Variants in POU6F2 observed in about 807,000 individuals in gnomAD.
The protein encoded by POU6F2 is POU domain, class 6, transcription factor 2.
A neutral mutation model predicts 71.3 loss-of-function variants in POU6F2; 31 were observed. That is an observed-to-expected ratio of 0.43 (90% CI 0.33 to 0.59). The LOEUF (loss-of-function observed/expected upper bound fraction) is 0.59. Among genes scored for constraint, POU6F2 ranks in the 20% least tolerant of loss-of-function variants. POU6F2 has a pLI of 0.04. For synonymous variants in POU6F2, 347 were observed against 355.7 expected, an observed-to-expected ratio of 0.98 and a Z score of 0.27; for missense variants, 783 against 856.8, an observed-to-expected ratio of 0.91 and a Z score of 1.07.
chr7:39,089,747 T>G (rs1447176810), intron 2 of POU6F2, among the ~76,000 whole-genome samples: 1 of 152,216 alleles, frequency 6.6e-6, no homozygotes, highest in East Asian at 1.9e-4. Flanking sequence ...ATATGTGTGC[T>G]AAAGTTTTCC....
intron 2 of POU6F2, among the ~76,000 whole-genome samples, chr7:39,171,133 C>A (rs1793212176): frequency 6.8e-6 from 1 of 147,270 alleles, no homozygotes; most frequent in Admixed American, 6.9e-5. Flanking sequence ...ATAAACCCAT[C>A]ATCTAGGTTT....
chr7:39,380,821 G>A (rs555509842), intron 5 of POU6F2, among the ~76,000 whole-genome samples: 13 of 152,144 alleles, frequency 8.5e-5, no homozygotes, highest in Non-Finnish European at 1.3e-4. Context: ...CAAGTTTCCC[G>A]ACAGATCCCC....
chr7:39,096,687 A>G (rs1791460788), intron 2 of POU6F2, among the ~76,000 whole-genome samples: 1 of 152,208 alleles, frequency 6.6e-6, no homozygotes, highest in South Asian at 2.1e-4. Flanking sequence ...AAAATTGCAC[A>G]TTTACGTTAG....
intron 6 of POU6F2, among the ~76,000 whole-genome samples, chr7:39,411,534 G>GA (rs1787549451): frequency 6.6e-6 from 1 of 151,998 alleles, no homozygotes; most frequent in African/African-American, 2.4e-5. Context: ...GCCAGTCAAG[G>GA]GGGGGGAAGT....
chr7:39,304,644 A>C (rs79671728), intron 4 of POU6F2, among the ~76,000 whole-genome samples: 17 of 152,356 alleles, frequency 1.1e-4, no homozygotes, highest in African/African-American at 4.1e-4. Flanking sequence ...TGGCTTAAAC[A>C]GAAGTCCTCC....
At chr7:39,144,897 A>T (rs983970301) in intron 2 of POU6F2, among the ~76,000 whole-genome samples, 1 of 152,104 alleles carries the variant, frequency 6.6e-6, no homozygotes, top group Non-Finnish European at 1.5e-5. Context: ...TATTTGATCT[A>T]TGGTAGCCTC....
intron 2 of POU6F2, among the ~76,000 whole-genome samples, chr7:39,157,200 A>C (rs1264045698): frequency 1.3e-5 from 2 of 152,184 alleles, no homozygotes; most frequent in Non-Finnish European, 2.9e-5. Context: ...TTAATATTAC[A>C]TTAAGTACTA....
chr7:39,423,381 G>A (rs1342982699), intron 6 of POU6F2, among the ~76,000 whole-genome samples: 1 of 152,004 alleles, frequency 6.6e-6, no homozygotes, highest in Admixed American at 6.5e-5. Context: ...AGATGGCTGG[G>A]TAACATCCTG....
chr7:39,296,483 ATCT>A (rs1431400582), intron 4 of POU6F2, among the ~76,000 whole-genome samples: 1 of 152,146 alleles, frequency 6.6e-6, no homozygotes, highest in Non-Finnish European at 1.5e-5. Context: ...AACCAGCGTG[ATCT>A]TCTCAAAATG....
At chr7:39,458,236 A>G (rs1350170630) in intron 8 of POU6F2, among the ~76,000 whole-genome samples, 3 of 152,100 alleles carry the variant, frequency 2.0e-5, no homozygotes, top group Non-Finnish European at 2.9e-5. Flanking sequence ...CATGAGGAGG[A>G]GCTGAAGGAG....
intron 2 of POU6F2, among the ~76,000 whole-genome samples, chr7:39,116,263 T>C (rs1791927216): frequency 6.6e-6 from 1 of 152,138 alleles, no homozygotes; most frequent in Admixed American, 6.6e-5. Context: ...CATGCACCTG[T>C]AGTCCCAACT....
intron 7 of POU6F2, among the ~76,000 whole-genome samples, chr7:39,450,527 A>G (rs760000116): frequency 6.6e-6 from 1 of 152,046 alleles, no homozygotes; most frequent in Non-Finnish European, 1.5e-5. Flanking sequence ...TAGAACCTGC[A>G]AGCATTTCCC....
intron 4 of POU6F2, among the ~76,000 whole-genome samples, chr7:39,277,571 G>T (rs1784471178): frequency 6.6e-6 from 1 of 152,206 alleles, no homozygotes; most frequent in South Asian, 2.1e-4. Flanking sequence ...CTTGATTTCA[G>T]CCCTGGGGAA....
At chr7:39,226,727 T>C (rs1236251963) in intron 4 of POU6F2, among the ~76,000 whole-genome samples, 1 of 152,198 alleles carries the variant, frequency 6.6e-6, no homozygotes, top group East Asian at 1.9e-4. Flanking sequence ...TTTTCTCCCT[T>C]TTTATTCCAA....
chr7:39,054,970 G>A (rs1453623305), intron 1 of POU6F2, among the ~76,000 whole-genome samples: 5 of 151,996 alleles, frequency 3.3e-5, no homozygotes, highest in Non-Finnish European at 5.9e-5. Context: ...AGAGTCATAA[G>A]CAGGGTTGGA....
intron 5 of POU6F2, among the ~76,000 whole-genome samples, chr7:39,395,035 C>T (rs1257882469): frequency 6.6e-6 from 1 of 152,110 alleles, no homozygotes; most frequent in African/African-American, 2.4e-5. Context: ...CCTCTGATTG[C>T]CCTATTGCTC....
At chr7:39,159,314 A>G (rs1792938321) in intron 2 of POU6F2, among the ~76,000 whole-genome samples, 1 of 152,196 alleles carries the variant, frequency 6.6e-6, no homozygotes. Flanking sequence ...ACACAAAGAT[A>G]TATAACCGCT....
chr7:39,221,640 G>A (rs1174710132), intron 4 of POU6F2, among the ~76,000 whole-genome samples: 1 of 151,942 alleles, frequency 6.6e-6, no homozygotes, highest in African/African-American at 2.4e-5. Flanking sequence ...ACTCACCTCG[G>A]CCTTCCAAAG....
chr7:39,266,953 T>C (rs1036449943), intron 4 of POU6F2, among the ~76,000 whole-genome samples: 2 of 152,116 alleles, frequency 1.3e-5, no homozygotes, highest in Non-Finnish European at 2.9e-5. Flanking sequence ...ATTCCCCCTA[T>C]GTAGTGGTAA....
Sources: gnomAD v4.1 joint callset for allele counts (sites outside exome capture counted in the v4.1 genomes callset) on GRCh38, gnomAD v4.1.1 for gene constraint, MANE v1.5 for transcripts, NCBI Gene and HGNC (gene_info 2026-07-23, HGNC 2026-07-21) for gene names.